Variants in AGFG1 observed in about 807,000 individuals in gnomAD.
AGFG1 encodes arf-GAP domain and FG repeat-containing protein 1.
A neutral mutation model predicts 60.6 loss-of-function variants in AGFG1; 10 were observed. That is an observed-to-expected ratio of 0.16 (90% confidence interval 0.10 to 0.28). The LOEUF is 0.28. AGFG1 is among the 10% of genes least tolerant of loss of function. AGFG1 has a pLI of 1.00. For missense variants in AGFG1, 537 were observed against 676.5 expected, an observed-to-expected ratio of 0.79 and a Z score of 2.29; for synonymous variants, 247 against 242.9, an observed-to-expected ratio of 1.02 and a Z score of -0.16.
intron 1 of AGFG1, among the ~76,000 whole-genome samples, chr2:227,490,537 C>A (rs1353414276): frequency 6.7e-6 from 1 of 149,116 alleles, no homozygotes; most frequent in Non-Finnish European, 1.5e-5. Context: ...GAGACTGCGC[C>A]ACTGCACTCC....
intron 6 of AGFG1, 124 bp from the exon 7 acceptor site, chr2:227,533,425 A>T (rs1251759427): frequency 2.3e-6 from 2 of 865,618 alleles, no homozygotes. Context: ...ATTGCCAGTC[A>T]TTGATTTTAA....
chr2:227,537,058 TGAA>T, intron 10 of AGFG1, 65 bp downstream of exon 10: 1 of 1,382,774 alleles, frequency 7.2e-7, no homozygotes, highest in Non-Finnish European at 1.0e-6. Context: ...AGACACCATG[TGAA>T]GAACACCAGA....
chr2:227,472,933 C>T (rs893060830), intron 1 of AGFG1, among the ~76,000 whole-genome samples: 1 of 150,914 alleles, frequency 6.6e-6, no homozygotes, highest in African/African-American at 2.4e-5. Flanking sequence ...CCCTCGCTCT[C>T]CAGCTACCCG....
intron 8 of AGFG1, among the ~76,000 whole-genome samples, chr2:227,536,402 A>G (rs989448659): frequency 6.6e-6 from 1 of 152,148 alleles, no homozygotes; most frequent in Non-Finnish European, 1.5e-5. Flanking sequence ...CCCACTACAC[A>G]TTCAGTTTTA....
chr2:227,484,852 C>T (rs986062731), intron 1 of AGFG1, among the ~76,000 whole-genome samples: 3 of 151,400 alleles, frequency 2.0e-5, no homozygotes, highest in African/African-American at 4.8e-5. Context: ...TACAAGTGTG[C>T]GCCAACATGC....
rs752249261 is a variant in AGFG1, at chr2:227,524,724, C to T, written c.541-38C>T. On this transcript the variant is annotated intron_variant, in intron 4 of 12. Coordinates refer to ENST00000310078, the MANE Select transcript of AGFG1 (RefSeq NM_004504.5). ...GTTTTGTATAAAGATTTTGCAGATCCGACTGGAATATCTTTATAGTTAATA... is the reference window on the plus strand; with the variant it reads ...GTTTTGTATAAAGATTTTGCAGATCTGACTGGAATATCTTTATAGTTAATA... The T allele has an allele frequency of 7.0e-5, 112 of 1,602,488 alleles. 1 individual carries two copies. The South Asian group carries it at 8.2e-4, about 12-fold the overall frequency.
chr2:227,546,726 GT>G (rs1168330691), intron 10 of AGFG1, among the ~76,000 whole-genome samples: 1 of 152,100 alleles, frequency 6.6e-6, no homozygotes, highest in Admixed American at 6.5e-5. Flanking sequence ...GATATTTAGT[GT>G]TTTTCCCCCC....
At chr2:227,541,458 T>C (rs1692490678) in intron 10 of AGFG1, among the ~76,000 whole-genome samples, 1 of 152,260 alleles carries the variant, frequency 6.6e-6, no homozygotes, top group African/African-American at 2.4e-5. Flanking sequence ...GTGAATCCTT[T>C]TCCCATTTCT....
intron 10 of AGFG1, among the ~76,000 whole-genome samples, chr2:227,543,968 G>C (rs1280398120): frequency 6.6e-6 from 1 of 151,996 alleles, no homozygotes; most frequent in Non-Finnish European, 1.5e-5. Flanking sequence ...TTGGTTTAAA[G>C]TCTGTTTTAT....
At chr2:227,478,308 A>G (rs911284557) in intron 1 of AGFG1, among the ~76,000 whole-genome samples, 2 of 150,542 alleles carry the variant, frequency 1.3e-5, no homozygotes, top group Non-Finnish European at 3.0e-5. Flanking sequence ...TATATAATAT[A>G]TATATTTAGC....
chr2:227,545,984 G>A (rs1018012359), intron 10 of AGFG1, among the ~76,000 whole-genome samples: 1 of 152,224 alleles, frequency 6.6e-6, no homozygotes, highest in African/African-American at 2.4e-5. Context: ...TCAGATCTCA[G>A]ACTCCATGCT....
intron 8 of AGFG1, among the ~76,000 whole-genome samples, chr2:227,535,651 A>G (rs1356193633): frequency 6.6e-6 from 1 of 152,298 alleles, no homozygotes; most frequent in East Asian, 1.9e-4. Flanking sequence ...TTTACCTATA[A>G]CAATGTTTTA....
chr2:227,532,198 A>G (rs867832943), intron 6 of AGFG1: 2 of 1,547,840 alleles, frequency 1.3e-6, no homozygotes, highest in Non-Finnish European at 1.7e-6. Context: ...TTTCCTCTTC[A>G]GGCTACCCAC....
At chr2:227,519,854 A>G in intron 2 of AGFG1, 94 bp from the exon 3 acceptor site, 2 of 659,924 alleles carry the variant, frequency 3.0e-6, no homozygotes, top group South Asian at 4.0e-5. Flanking sequence ...ATTATTATGT[A>G]GATTAGCTTC....
chr2:227,528,072 A>G (rs1692049994), intron 5 of AGFG1, among the ~76,000 whole-genome samples: 1 of 152,134 alleles, frequency 6.6e-6, no homozygotes, highest in African/African-American at 2.4e-5. Flanking sequence ...TCACACTCCA[A>G]AATATGCTGT....
intron 10 of AGFG1, among the ~76,000 whole-genome samples, chr2:227,551,196 C>T (rs1692808368): frequency 6.6e-6 from 1 of 152,180 alleles, no homozygotes; most frequent in Non-Finnish European, 1.5e-5. Flanking sequence ...CTGCATTCTT[C>T]TAGGAATGCT....
At chr2:227,517,154 T>C (rs545292859) in intron 2 of AGFG1, among the ~76,000 whole-genome samples, 1 of 152,342 alleles carries the variant, frequency 6.6e-6, no homozygotes, top group Admixed American at 6.5e-5. Context: ...GCCAGTGAAA[T>C]GTTTTCATAA....
intron 2 of AGFG1, among the ~76,000 whole-genome samples, chr2:227,502,403 C>G (rs1207823222): frequency 3.9e-5 from 6 of 152,150 alleles, no homozygotes; most frequent in South Asian, 2.1e-4. Flanking sequence ...TCACTGCAAC[C>G]TCCGCCTTCT....
At chr2:227,501,624 C>G (rs2106182975) in intron 2 of AGFG1, among the ~76,000 whole-genome samples, 1 of 152,174 alleles carries the variant, frequency 6.6e-6, no homozygotes, top group East Asian at 1.9e-4. Flanking sequence ...TTCTGTCACT[C>G]CCAGGCTGGA....
Sources: allele counts gnomAD v4.1 joint callset (sites outside exome capture counted in the v4.1 genomes callset), GRCh38; gene constraint gnomAD v4.1.1; transcripts MANE v1.5; gene names NCBI Gene and HGNC (gene_info 2026-07-23, HGNC 2026-07-21).